Variants in SCTR observed in about 807,000 individuals in gnomAD.
The protein encoded by SCTR is secretin receptor, also known as pancreatic secretin receptor.
SCTR carries 56 observed loss-of-function variants against 60.8 expected under a neutral mutation model. The ratio of observed to expected loss-of-function variants is 0.92; its 90% CI spans 0.74 to 1.15. The LOEUF is 1.15. Among genes scored for constraint, SCTR ranks in the 50% most tolerant of loss-of-function variants. The pLI, the probability that SCTR is intolerant of heterozygous loss-of-function variation, is 0.00. For missense variants in SCTR, 562 were observed against 550.4 expected, an observed-to-expected ratio of 1.02 and a Z score of -0.21; for synonymous variants, 202 against 217.0, an observed-to-expected ratio of 0.93 and a Z score of 0.61.
chr2:119,458,371 T>G (rs1386333397), intron 7 of SCTR, among the ~76,000 whole-genome samples: 25 of 147,386 alleles, frequency 1.7e-4, no homozygotes, highest in Non-Finnish European at 3.4e-4. Context: ...GGAGGCCGAG[T>G]CAGGTGGATC....
chr2:119,463,705 T>C (rs1444799768), intron 6 of SCTR, among the ~76,000 whole-genome samples: 1 of 152,224 alleles, frequency 6.6e-6, no homozygotes, highest in Non-Finnish European at 1.5e-5. Flanking sequence ...CACAACGTTT[T>C]ATTGCAAATA....
rs1048763637 is a variant in SCTR, at chr2:119,506,933, T to A, written c.73-12385A>T. ...TGCCAGAAATATTCTGTATCTTGAC[T>A]GCAGCAATGTCAATATCATGATTGT... On this transcript the variant is annotated intron_variant, in intron 1 of 12. Transcript: ENST00000019103. Among the ~76,000 whole-genome samples, 3 of 152,178 alleles carry A rather than the reference T, an allele frequency of 2.0e-5. No individual in the cohort carries two copies. In the South Asian group the frequency reaches 6.2e-4, roughly 32 times the overall value.
intron 1 of SCTR, among the ~76,000 whole-genome samples, chr2:119,516,655 C>T (rs1256736407): frequency 6.6e-6 from 1 of 152,134 alleles, no homozygotes; most frequent in African/African-American, 2.4e-5. Context: ...AGCATGAAGA[C>T]TATAGTTAAT....
At chr2:119,476,757 T>G (rs1053908925) in intron 3 of SCTR, 1 of 152,494 alleles carries the variant, frequency 6.6e-6, no homozygotes, top group African/African-American at 2.4e-5. Flanking sequence ...GGAGAAGAGC[T>G]TCGAGTCCTT....
At chr2:119,483,948 C>T (rs905121810) in intron 2 of SCTR, among the ~76,000 whole-genome samples, 2 of 152,014 alleles carry the variant, frequency 1.3e-5, no homozygotes, top group Non-Finnish European at 2.9e-5. Context: ...CCCAGTCCCC[C>T]AAGCCAAGCA....
rs1011142911 is a variant in SCTR, at chr2:119,517,477, A to T, written c.72+6678T>A. Among the ~76,000 whole-genome samples the T allele has an allele frequency of 3.9e-5, 6 of 152,288 alleles. No individual in the cohort carries two copies. The East Asian group carries it at 5.8e-4, about 15-fold the overall frequency. ...GCTTAGTCTACAATTTTTATTTTTT[A>T]AAAAAGATTATAAAAAAGAATCCAG... On this transcript the variant is annotated intron_variant, in intron 1 of 12. Coordinates refer to ENST00000019103, the MANE Select transcript of SCTR (RefSeq NM_002980.3).
rs370096045 is a variant in SCTR at position 119,461,923 on chromosome 2, G to A, written c.714C>T (p.Leu238=). The A allele has an allele frequency of 3.7e-6, 6 of 1,613,900 alleles. No individual in the cohort carries two copies. In the African/African-American group the frequency reaches 8.0e-5, roughly 22 times the overall value. The change falls in exon 7 of 13, where the codon CTC becomes CTT. Residue 238 remains leucine, a synonymous_variant. Coordinates refer to ENST00000019103, the MANE Select transcript of SCTR (RefSeq NM_002980.3). ...AGATGGCGAGGAGTGTGTGAAGGTA[G>A]AGGCCTTCCACCAGCAGCCAGGAGT... ...ANYSWLLVEG[L]YLHTLLAISF...
rs112301392 is a variant in SCTR at position 119,518,405 on chromosome 2, C to T, written c.72+5750G>A. On this transcript the variant is annotated intron_variant, in intron 1 of 12. Coordinates refer to ENST00000019103, the MANE Select transcript of SCTR (RefSeq NM_002980.3). Reference sequence around the variant, plus strand: ...GAAAGACACGTGGCCATCAGGAGCACGCCTAAGAGCCTCAGGTGAGGGAAG... The same window carrying T: ...GAAAGACACGTGGCCATCAGGAGCATGCCTAAGAGCCTCAGGTGAGGGAAG... 5.0e-3 allele frequency among the ~76,000 whole-genome samples: 730 copies of T among 145,380 alleles called. 7 individuals are homozygous for T. The highest frequency in any genetic ancestry group is 0.019 in the African/African-American group (661 of 35,334).
intron 6 of SCTR, among the ~76,000 whole-genome samples, chr2:119,462,801 A>G (rs1380090631): frequency 6.6e-6 from 1 of 152,226 alleles, no homozygotes; most frequent in East Asian, 1.9e-4. Context: ...GCCTGGGGAC[A>G]GTGGTGGTTC....
chr2:119,514,991 A>G (rs764873937), intron 1 of SCTR, among the ~76,000 whole-genome samples: 1 of 152,146 alleles, frequency 6.6e-6, no homozygotes, highest in Non-Finnish European at 1.5e-5. Context: ...TCAAGGGGGG[A>G]AAGGAAAGTA....
At chr2:119,514,893 C>T (rs1679064538) in intron 1 of SCTR, among the ~76,000 whole-genome samples, 2 of 151,908 alleles carry the variant, frequency 1.3e-5, no homozygotes, top group South Asian at 4.2e-4. Context: ...AAAAAAAAAT[C>T]TGAATAAGGT....
At chr2:119,468,137 G>A (rs1003827047) in intron 4 of SCTR, among the ~76,000 whole-genome samples, 1 of 152,132 alleles carries the variant, frequency 6.6e-6, no homozygotes, top group Non-Finnish European at 1.5e-5. Flanking sequence ...TTGTATTATA[G>A]GCTTGCAAAT....
At chr2:119,487,908 T>TC (rs1372141125) in intron 2 of SCTR, among the ~76,000 whole-genome samples, 1 of 150,770 alleles carries the variant, frequency 6.6e-6, no homozygotes, top group East Asian at 2.0e-4. Flanking sequence ...CAGCAGCCCC[T>TC]CCCCCCACAC....
intron 11 of SCTR, among the ~76,000 whole-genome samples, chr2:119,442,262 G>A (rs1367899692): frequency 4.6e-5 from 7 of 152,218 alleles, no homozygotes; most frequent in Non-Finnish European, 8.8e-5. Context: ...GGATCCTGGT[G>A]TGGAGCTCTG....
intron 2 of SCTR, 105 bp from the exon 3 acceptor site, chr2:119,479,023 G>A (rs1677476937): frequency 6.5e-7 from 1 of 1,535,318 alleles, no homozygotes; most frequent in Admixed American, 2.0e-5. Flanking sequence ...ATTCCCACTA[G>A]ACTACTTTCA....
At chr2:119,520,545 C>G (rs557915630) in intron 1 of SCTR, among the ~76,000 whole-genome samples, 1 of 152,304 alleles carries the variant, frequency 6.6e-6, no homozygotes, top group South Asian at 2.1e-4. Context: ...CACTGTGCAG[C>G]CACAGGGCTT....
intron 3 of SCTR, 105 bp downstream of exon 3, chr2:119,478,706 C>T: frequency 1.1e-6 from 1 of 949,216 alleles, no homozygotes. Context: ...TGTACCCATA[C>T]TTGTCCTCAG....
intron 7 of SCTR, among the ~76,000 whole-genome samples, chr2:119,456,397 G>T (rs1683378116): frequency 6.6e-6 from 1 of 152,020 alleles, no homozygotes; most frequent in South Asian, 2.1e-4. Flanking sequence ...AATGAATTAG[G>T]TATGAAGGTT....
chr2:119,508,337 C>T (rs2587665), intron 1 of SCTR, among the ~76,000 whole-genome samples: 8,440 of 146,998 alleles, frequency 0.057, 408 homozygotes, highest in African/African-American at 0.11. Flanking sequence ...ATTCTCTTTT[C>T]TAAAAATTTT....
Sources: gnomAD v4.1 joint callset for allele counts (sites outside exome capture counted in the v4.1 genomes callset) on GRCh38, gnomAD v4.1.1 for gene constraint, MANE v1.5 for transcripts, NCBI Gene and HGNC (gene_info 2026-07-23, HGNC 2026-07-21) for gene names.